The following NCAPG2 variants were observed in gnomAD, a reference collection of about 807,000 sequenced individuals.
NCAPG2 encodes condensin-2 complex subunit G2.
Under a neutral mutation model 141.1 loss-of-function variants are expected in NCAPG2, and 53 were observed. The ratio of observed to expected loss-of-function variants is 0.38; its 90% CI spans 0.30 to 0.47. NCAPG2 has a LOEUF of 0.47. Ranked by LOEUF, NCAPG2 falls within the 20% of genes least tolerant of loss-of-function variation. The pLI is 0.99. For synonymous variants in NCAPG2, 499 were observed against 490.7 expected, an observed-to-expected ratio of 1.02 and a Z score of -0.22; for missense variants, 1,087 against 1,389.0, an observed-to-expected ratio of 0.78 and a Z score of 3.46.
At chr7:158,701,780 TCA>T (rs1835810138) in intron 2 of NCAPG2, 40 bp downstream of exon 2, 2 of 1,515,186 alleles carry the variant, frequency 1.3e-6, no homozygotes, top group Non-Finnish European at 1.8e-6. Flanking sequence ...TATTTCATAT[TCA>T]CAGTCAAAAA....
At chr7:158,641,467 G>A (rs1165354203) in intron 27 of NCAPG2, 2 of 663,024 alleles carry the variant, frequency 3.0e-6, no homozygotes, top group Non-Finnish European at 5.4e-6. Flanking sequence ...TGCAGTCCTA[G>A]CCAATTGGGA....
chr7:158,676,986 T>C (rs1834089102), intron 11 of NCAPG2, among the ~76,000 whole-genome samples: 1 of 152,130 alleles, frequency 6.6e-6, no homozygotes, highest in South Asian at 2.1e-4. Context: ...CAGGAGGCTG[T>C]GACCTCAGAG....
chr7:158,650,805 A>G (rs780866327), intron 24 of NCAPG2, 27 bp downstream of exon 24: 1 of 1,594,100 alleles, frequency 6.3e-7, no homozygotes, highest in South Asian at 1.1e-5. Context: ...TAAGAGGCAC[A>G]GCAGTTTCAG....
intron 15 of NCAPG2, 146 bp downstream of exon 15, chr7:158,664,038 A>G: frequency 1.5e-6 from 1 of 676,954 alleles, no homozygotes. Flanking sequence ...TTCTTTCACA[A>G]ATGTTATTTA....
intron 16 of NCAPG2, 114 bp from the exon 17 acceptor site, chr7:158,658,522 T>C (rs1259704599): frequency 6.7e-6 from 6 of 895,850 alleles, no homozygotes; most frequent in Non-Finnish European, 9.5e-6. Flanking sequence ...AGAAGAACCA[T>C]GGCAGTCCTT....
intron 22 of NCAPG2, among the ~76,000 whole-genome samples, chr7:158,652,733 T>C (rs1017288466): frequency 2.0e-5 from 3 of 152,240 alleles, no homozygotes; most frequent in Non-Finnish European, 4.4e-5. Flanking sequence ...AGTGTATTAG[T>C]CACTAAACTA....
rs57254473 is a variant in NCAPG2, at chr7:158,634,744, TG to T, written c.3381-3028del. ...ACCCAGGCCATTTTTCTCCTGCTAC[TG>T]GAACACTACTGCAATACAAATTTAC... On this transcript the variant is annotated intron_variant, in intron 27 of 27. Transcript: ENST00000356309. 5.0e-3 allele frequency among the ~76,000 whole-genome samples: 758 copies of T among 152,334 alleles called. 46 individuals carry two copies. In the East Asian group the frequency reaches 0.12, roughly 24 times the overall value.
intron 2 of NCAPG2, among the ~76,000 whole-genome samples, chr7:158,693,966 C>A (rs1182175431): frequency 2.6e-5 from 4 of 152,206 alleles, no homozygotes; most frequent in Non-Finnish European, 1.5e-5. Flanking sequence ...TCTGAGATGA[C>A]CTCACGTACT....
At chr7:158,656,876 G>A (rs1347753421) in intron 17 of NCAPG2, among the ~76,000 whole-genome samples, 171 bp from the exon 18 acceptor site, 1 of 152,108 alleles carries the variant, frequency 6.6e-6, no homozygotes, top group Non-Finnish European at 1.5e-5. Flanking sequence ...TCCCACAATT[G>A]CTGCTCAGCT....
chr7:158,655,746 G>GCACGCAGCACCACCCGTCC (rs1563517461), intron 19 of NCAPG2, among the ~76,000 whole-genome samples: 1 of 12,956 alleles, frequency 7.7e-5, no homozygotes. Flanking sequence ...CCATCTGCCT[G>GCACGCAGCACCACCCGTCC]GCTCCACTCT....
chr7:158,700,773 A>C (rs879435062), intron 2 of NCAPG2, among the ~76,000 whole-genome samples: 1 of 151,838 alleles, frequency 6.6e-6, no homozygotes, highest in Non-Finnish European at 1.5e-5. Context: ...CACTAATTTG[A>C]TTTTCACCAC....
chr7:158,689,188 C>T (rs956311688), intron 6 of NCAPG2, among the ~76,000 whole-genome samples: 1 of 152,010 alleles, frequency 6.6e-6, no homozygotes, highest in Non-Finnish European at 1.5e-5. Flanking sequence ...TTATGTAAAG[C>T]AATATTTAAT....
At chr7:158,672,288 G>GTATATATATATA (rs1563549278) in intron 12 of NCAPG2, among the ~76,000 whole-genome samples, 1 of 24,608 alleles carries the variant, frequency 4.1e-5, no homozygotes, top group African/African-American at 1.7e-4. Context: ...ATGTGTGTGT[G>GTATATATATATA]TGTGTATATA....
chr7:158,657,954 GCATGCTCGTTAAGAGTCATCAC>G (rs1182145233), intron 17 of NCAPG2, among the ~76,000 whole-genome samples: 1 of 151,798 alleles, frequency 6.6e-6, no homozygotes, highest in Non-Finnish European at 1.5e-5. Context: ...CTTGAAGGCA[GCATGCTCGTTAAGAGTCATCAC>G]CACTCCCTAA....
chr7:158,695,367 G>A (rs748407830), intron 2 of NCAPG2, among the ~76,000 whole-genome samples: 4 of 152,232 alleles, frequency 2.6e-5, no homozygotes, highest in Non-Finnish European at 5.9e-5. Context: ...TATTAGAGGT[G>A]TATGCTGAAG....
Position 158,689,958 on chromosome 7 carries a change from G to A in NCAPG2, c.538-5C>T. The A allele has an allele frequency of 1.3e-6, 2 of 1,499,052 alleles. No individual in the cohort carries two copies. Among genetic ancestry groups the A allele is most frequent in the Admixed American group, 2.4e-5 (1 of 41,406 alleles). 92.9% of individuals were successfully genotyped at this position (1,499,052 alleles called of 1,614,324 possible). A position where few individuals can be genotyped will look rare whatever the true frequency, so the allele number is the denominator to read the frequency against. ...AAGCCGACATACGTCTGCACCCTAG[G>A]AATGACACAAAAAATGTGATACCTT... On this transcript the variant is annotated splice_polypyrimidine_tract_variant and splice_region_variant and intron_variant, in intron 5 of 27. Transcript: ENST00000356309.
intron 27 of NCAPG2, among the ~76,000 whole-genome samples, chr7:158,632,066 C>T (rs1042752960): frequency 6.6e-6 from 1 of 152,166 alleles, no homozygotes; most frequent in South Asian, 2.1e-4. Context: ...TTCTCTATTA[C>T]ACAAGAAAAC....
At chr7:158,657,405 C>T (rs1832065415) in intron 17 of NCAPG2, among the ~76,000 whole-genome samples, 1 of 152,210 alleles carries the variant, frequency 6.6e-6, no homozygotes, top group Admixed American at 6.5e-5. Context: ...TCCAGAACCT[C>T]CCACACCAGG....
At chr7:158,661,206 A>G (rs935239692) in intron 16 of NCAPG2, among the ~76,000 whole-genome samples, 4 of 152,342 alleles carry the variant, frequency 2.6e-5, no homozygotes. Context: ...GAAAAGCTAC[A>G]TGGTCCAAAG....
Sources: allele counts gnomAD v4.1 joint callset (sites outside exome capture counted in the v4.1 genomes callset), GRCh38; gene constraint gnomAD v4.1.1; transcripts MANE v1.5; gene names NCBI Gene and HGNC (gene_info 2026-07-23, HGNC 2026-07-21).